The following POC1A variants were observed in gnomAD, a reference collection of about 807,000 sequenced individuals.
POC1A encodes the protein POC1 centriolar protein A.
In POC1A, 34 loss-of-function variants were observed where a neutral mutation model predicts 47.8. The ratio of observed to expected loss-of-function variants is 0.71; its 90% CI spans 0.54 to 0.95. The LOEUF (loss-of-function observed/expected upper bound fraction) is 0.95. Ranked by LOEUF, POC1A falls within the 40% of genes least tolerant of loss-of-function variation. The probability of loss-of-function intolerance (pLI) is 0.00; values close to 1 mark genes in which losing one functional copy is unlikely to be tolerated. For synonymous variants in POC1A, 177 were observed against 207.6 expected (o/e 0.85, Z 1.27); for missense variants, 466 against 528.3 (o/e 0.88, Z 1.16).
At chr3:52,102,552 T>A (rs1703037177) in intron 9 of POC1A, among the ~76,000 whole-genome samples, 1 of 152,224 alleles carries the variant, frequency 6.6e-6, no homozygotes, top group Non-Finnish European at 1.5e-5. Flanking sequence ...TCCAAGACGA[T>A]CTCACCTTGA....
At chr3:52,102,626 G>A (rs1054520410) in intron 9 of POC1A, among the ~76,000 whole-genome samples, 3 of 152,134 alleles carry the variant, frequency 2.0e-5, no homozygotes, top group African/African-American at 7.2e-5. Context: ...AGTTTCTGGG[G>A]GTTAGGATGT....
intron 9 of POC1A, among the ~76,000 whole-genome samples, chr3:52,099,714 G>C (rs540856470): frequency 1.3e-5 from 2 of 152,172 alleles, no homozygotes; most frequent in South Asian, 4.1e-4. Flanking sequence ...AGCCAGGCAT[G>C]GTGGTAGGCA....
chr3:52,085,094 G>A (rs1180680310), intron 10 of POC1A, among the ~76,000 whole-genome samples: 1 of 152,194 alleles, frequency 6.6e-6, no homozygotes, highest in African/African-American at 2.4e-5. Flanking sequence ...GAGGCAGTAG[G>A]AGGGTGAACA....
intron 9 of POC1A, among the ~76,000 whole-genome samples, chr3:52,108,902 C>A (rs1559825120): frequency 2.0e-5 from 3 of 152,332 alleles, no homozygotes; most frequent in South Asian, 4.1e-4. Flanking sequence ...TGCCCCCCAG[C>A]GGATGCCTGG....
intron 6 of POC1A, among the ~76,000 whole-genome samples, chr3:52,142,166 C>T (rs1029600229): frequency 2.0e-5 from 3 of 152,228 alleles, no homozygotes; most frequent in African/African-American, 7.2e-5. Context: ...TTGCTGGCCA[C>T]CCAGGCCTGT....
intron 1 of POC1A, among the ~76,000 whole-genome samples, chr3:52,151,438 T>TA (rs974388723): frequency 1.3e-5 from 2 of 151,684 alleles, no homozygotes; most frequent in Non-Finnish European, 2.9e-5. Context: ...TTATGATACA[T>TA]AAAAAAAATA....
intron 6 of POC1A, 34 bp downstream of exon 6, chr3:52,145,812 T>C: frequency 7.3e-7 from 1 of 1,378,088 alleles, no homozygotes; most frequent in Non-Finnish European, 1.0e-6. Context: ...CCACCAGGGC[T>C]GCCCTTGGGC....
chr3:52,106,180 CAAAAAAAAA>C (rs11350232), intron 9 of POC1A, among the ~76,000 whole-genome samples: 3 of 73,576 alleles, frequency 4.1e-5, no homozygotes, highest in African/African-American at 1.6e-4. Flanking sequence ...GACTACGTCT[CAAAAAAAAA>C]AAAAAAAAAA....
intron 10 of POC1A, among the ~76,000 whole-genome samples, chr3:52,092,103 G>A (rs1702663325): frequency 6.6e-6 from 1 of 152,236 alleles, no homozygotes; most frequent in South Asian, 2.1e-4. Context: ...GCTGGGATCA[G>A]GGCCCAGAGA....
intron 10 of POC1A, among the ~76,000 whole-genome samples, chr3:52,083,673 G>A (rs923742267): frequency 1.9e-4 from 29 of 152,186 alleles, no homozygotes; most frequent in African/African-American, 6.0e-4. Flanking sequence ...GTGAGAGGGC[G>A]AGGGAAACAG....
chr3:52,114,046 C>T (rs1300853880), intron 9 of POC1A, among the ~76,000 whole-genome samples: 3 of 152,212 alleles, frequency 2.0e-5, no homozygotes, highest in African/African-American at 4.8e-5. Flanking sequence ...AGACAACCTG[C>T]GTGAGGTTAC....
intron 9 of POC1A, among the ~76,000 whole-genome samples, chr3:52,115,788 A>G (rs1703542556): frequency 6.6e-6 from 1 of 152,148 alleles, no homozygotes. Flanking sequence ...TGGACTTCCC[A>G]GCCTCCAGAA....
At chr3:52,148,083 C>A (rs1698429512) in intron 4 of POC1A, among the ~76,000 whole-genome samples, 1 of 152,270 alleles carries the variant, frequency 6.6e-6, no homozygotes, top group Non-Finnish European at 1.5e-5. Flanking sequence ...TGCCTGCCGG[C>A]AACATTTGCA....
At chr3:52,083,555 G>T (rs1177074262) in intron 10 of POC1A, among the ~76,000 whole-genome samples, 1 of 152,100 alleles carries the variant, frequency 6.6e-6, no homozygotes, top group South Asian at 2.1e-4. Flanking sequence ...CCCTGGCCTG[G>T]TTTTCTCTTG....
intron 10 of POC1A, among the ~76,000 whole-genome samples, chr3:52,087,249 T>C (rs1702488298): frequency 6.6e-6 from 1 of 152,138 alleles, no homozygotes. Flanking sequence ...ATGACTAAAA[T>C]CTTTGAGGCC....
intron 10 of POC1A, among the ~76,000 whole-genome samples, chr3:52,094,675 G>A (rs531889859): frequency 7.2e-5 from 11 of 152,386 alleles, no homozygotes; most frequent in Admixed American, 5.2e-4. Context: ...CATTGAGTCC[G>A]TCAAGAACAT....
intron 9 of POC1A, among the ~76,000 whole-genome samples, chr3:52,106,180 C>CAAAAAAAAAAA (rs11350232): frequency 1.4e-5 from 1 of 73,576 alleles, no homozygotes; most frequent in Non-Finnish European, 2.7e-5. Context: ...GACTACGTCT[C>CAAAAAAAAAAA]AAAAAAAAAA....
chr3:52,103,728 G>A (rs1432565066), intron 9 of POC1A, among the ~76,000 whole-genome samples: 2 of 151,982 alleles, frequency 1.3e-5, no homozygotes, highest in African/African-American at 4.8e-5. Flanking sequence ...GAGCAGAAAT[G>A]TTAAAAAGGA....
Position 52,096,552 on chromosome 3 carries a change from C to T in POC1A, c.1125+17G>A, listed in dbSNP as rs745874923. The T allele has an allele frequency of 2.0e-6, 3 of 1,534,000 alleles. No individual in the cohort carries two copies. In the Admixed American group the frequency reaches 6.2e-5, roughly 32 times the overall value. The stretch of plus-strand genomic sequence containing the variant: ...TGCAGATGACGGGATGACGGGTGAA[C>T]CCACAGTGTGGCCTACCTGAGTGAG... On this transcript the variant is annotated intron_variant, in intron 10 of 10. Coordinates refer to ENST00000296484, the MANE Select transcript of POC1A (RefSeq NM_015426.5).
Sources: allele counts gnomAD v4.1 joint callset (sites outside exome capture counted in the v4.1 genomes callset), GRCh38; gene constraint gnomAD v4.1.1; transcripts MANE v1.5; gene names NCBI Gene and HGNC (gene_info 2026-07-23, HGNC 2026-07-21).